Variants in LMF1 observed in about 807,000 individuals in gnomAD.
LMF1 encodes the protein transmembrane protein 112.
Under a neutral mutation model 60.6 loss-of-function variants are expected in LMF1, and 68 were observed. The ratio of observed to expected loss-of-function variants is 1.12; its 90% CI spans 0.92 to 1.37. LMF1 has a LOEUF of 1.37. Among genes scored for constraint, LMF1 ranks in the 40% most tolerant of loss-of-function variants. The pLI, the probability that LMF1 is intolerant of heterozygous loss-of-function variation, is 0.00. For missense variants in LMF1, 948 were observed against 767.2 expected (o/e 1.24, Z -2.78); for synonymous variants, 418 against 324.7 (o/e 1.29, Z -3.09).
intron 6 of LMF1, 66 bp from the exon 7 acceptor site, chr16:871,407 T>A: frequency 7.2e-7 from 1 of 1,381,074 alleles, no homozygotes. Context: ...AGCTGGCGCC[T>A]CTCTTCCTGG....
intron 3 of LMF1, among the ~76,000 whole-genome samples, chr16:925,705 C>T (rs1567251142): frequency 1.3e-5 from 2 of 152,102 alleles, no homozygotes; most frequent in East Asian, 1.9e-4. Flanking sequence ...CAGTGCAGTC[C>T]AGCTTGGACA....
chr16:959,616 A>C (rs1370234624), intron 1 of LMF1, among the ~76,000 whole-genome samples: 2 of 152,206 alleles, frequency 1.3e-5, no homozygotes, highest in African/African-American at 4.8e-5. Flanking sequence ...CACTGGCCAG[A>C]GGGCAGGAGC....
At chr16:905,899 G>A (rs966269069) in intron 4 of LMF1, among the ~76,000 whole-genome samples, 10 of 152,050 alleles carry the variant, frequency 6.6e-5, no homozygotes, top group African/African-American at 1.7e-4. Flanking sequence ...GTGAGCCACT[G>A]CACCCAGCCA....
intron 1 of LMF1, among the ~76,000 whole-genome samples, chr16:957,966 G>C (rs1301443084): frequency 3.3e-5 from 5 of 152,186 alleles, no homozygotes; most frequent in African/African-American, 1.2e-4. Context: ...AACATAGTGA[G>C]ACTCAGTCTC....
chr16:963,362 T>G (rs1439301180), intron 1 of LMF1, among the ~76,000 whole-genome samples: 1 of 151,992 alleles, frequency 6.6e-6, no homozygotes, highest in Non-Finnish European at 1.5e-5. Flanking sequence ...CCAGTGTGTG[T>G]GCATATGGGT....
At chr16:891,526 G>A (rs979517061) in intron 5 of LMF1, among the ~76,000 whole-genome samples, 1 of 152,238 alleles carries the variant, frequency 6.6e-6, no homozygotes. Context: ...CACCGGTGCT[G>A]GGCCAGGGGG....
intron 2 of LMF1, among the ~76,000 whole-genome samples, chr16:936,232 G>C (rs565783822): frequency 1.3e-5 from 2 of 148,924 alleles, no homozygotes; most frequent in South Asian, 4.3e-4. Flanking sequence ...GTGGGCTGAG[G>C]AAGGAGGCTG....
intron 4 of LMF1, among the ~76,000 whole-genome samples, chr16:907,497 T>G (rs1438313429): frequency 6.6e-6 from 1 of 151,974 alleles, no homozygotes; most frequent in Non-Finnish European, 1.5e-5. Flanking sequence ...GGCTGTGGCT[T>G]CTCCTTCCCT....
chr16:920,819 G>A (rs1057208936), intron 3 of LMF1, among the ~76,000 whole-genome samples: 1 of 152,216 alleles, frequency 6.6e-6, no homozygotes, highest in Non-Finnish European at 1.5e-5. Context: ...AATGATAGTC[G>A]ACTTCCCGTC....
At chr16:953,051 C>T (rs2072530319) in intron 2 of LMF1, among the ~76,000 whole-genome samples, 2 of 60,482 alleles carry the variant, frequency 3.3e-5, no homozygotes, top group East Asian at 4.5e-4. Context: ...AACCAGCCTC[C>T]TACACGTCCA....
chr16:894,296 C>T (rs1596931163), intron 4 of LMF1, among the ~76,000 whole-genome samples: 2 of 25,268 alleles, frequency 7.9e-5, no homozygotes, highest in Non-Finnish European at 1.6e-4. Flanking sequence ...TGCGCCCACC[C>T]ATCCCCTGTC....
intron 1 of LMF1, chr16:979,268 A>T: frequency 2.7e-6 from 1 of 364,412 alleles, no homozygotes; most frequent in Non-Finnish European, 5.5e-6. Flanking sequence ...TGGACCAGAG[A>T]TGACTCTGGA....
intron 3 of LMF1, among the ~76,000 whole-genome samples, chr16:914,573 T>TGGTGACACAC (rs2071221103): frequency 2.2e-4 from 1 of 4,546 alleles, no homozygotes; most frequent in Non-Finnish European, 5.3e-4. Context: ...CACTCCCTCT[T>TGGTGACACAC]TCCCTCCCTT....
In LMF1 at chr16:896,869, T is replaced by C. The variant is rs991401046; in HGVS notation, c.664-3797A>G. Among the ~76,000 whole-genome samples the C allele has an allele frequency of 1.4e-4, 22 of 152,254 alleles. 1 individual carries two copies. The highest frequency in any genetic ancestry group is 5.1e-4 in the African/African-American group (21 of 41,458). On this transcript the variant is annotated intron_variant, in intron 4 of 10. Transcript: ENST00000262301. ...TTCTTTCAGGAGTGGAGGATAATTA[T>C]ATTCCTCCCATCTATTGATTTCTCT...
chr16:887,459 G>A lies in LMF1; in HGVS notation c.729+5548C>T, dbSNP rs145574488. 4.8e-3 allele frequency among the ~76,000 whole-genome samples: 724 copies of A among 152,320 alleles called. 6 individuals are homozygous for A. Among genetic ancestry groups the A allele is most frequent in the African/African-American group, 0.016 (675 of 41,578 alleles). On this transcript the variant is annotated intron_variant, in intron 5 of 10. Transcript: ENST00000262301. The stretch of plus-strand genomic sequence containing the variant: ...GGAGTGTTGGGGCACACGCGGTCTC[G>A]GTACCCGTGGGGGAGCTCGGCGGGC...
intron 2 of LMF1, among the ~76,000 whole-genome samples, chr16:935,270 T>C (rs1368334257): frequency 6.6e-6 from 1 of 152,064 alleles, no homozygotes; most frequent in Non-Finnish European, 1.5e-5. Context: ...CCACTAATTT[T>C]TGTATTTTCT....
chr16:929,300 C>G (rs147725073), intron 3 of LMF1, among the ~76,000 whole-genome samples: 1,874 of 152,322 alleles, frequency 0.012, 23 homozygotes, highest in South Asian at 0.097. Flanking sequence ...TCCCAGAGCC[C>G]GCTCTCCATA....
chr16:860,293 G>C (rs182989542), intron 10 of LMF1, among the ~76,000 whole-genome samples: 201 of 151,276 alleles, frequency 1.3e-3, no homozygotes, highest in African/African-American at 4.4e-3. Context: ...TAAGTATAAT[G>C]ACTCTGCCTG....
rs1379507607 is a variant in LMF1, at chr16:870,079, C to T, written c.1233-13G>A. The stretch of plus-strand genomic sequence containing the variant: ...CTCCTTGGTGATGCTGCCGGGAGAC[C>T]GAGGCAGGCCAGGCCCACGTCACAC... On this transcript the variant is annotated splice_polypyrimidine_tract_variant and intron_variant, in intron 8 of 10. Coordinates refer to ENST00000262301, the MANE Select transcript of LMF1 (RefSeq NM_022773.4). The T allele has an allele frequency of 5.6e-6, 9 of 1,601,732 alleles. No individual in the cohort carries two copies. Among genetic ancestry groups the T allele is most frequent in the Middle Eastern group, 1.7e-4 (1 of 6,038 alleles).
Sources: allele counts gnomAD v4.1 joint callset (sites outside exome capture counted in the v4.1 genomes callset), GRCh38; gene constraint gnomAD v4.1.1; transcripts MANE v1.5; gene names NCBI Gene and HGNC (gene_info 2026-07-23, HGNC 2026-07-21).